Variants in DOCK2 observed in about 807,000 individuals in gnomAD.
DOCK2 encodes the protein dedicator of cytokinesis protein 2.
A neutral mutation model predicts 248.9 loss-of-function variants in DOCK2; 87 were observed. The observed-to-expected ratio is 0.35, with a 90% CI of 0.29 to 0.42. The LOEUF is 0.42. Among genes scored for constraint, DOCK2 ranks in the 10% least tolerant of loss-of-function variants. The pLI is 1.00. For missense variants in DOCK2, 1,747 were observed against 2,300.2 expected (o/e 0.76, Z 4.92); for synonymous variants, 805 against 821.6 (o/e 0.98, Z 0.35).
At chr5:169,901,558 A>G (rs2113580975) in intron 27 of DOCK2, among the ~76,000 whole-genome samples, 1 of 152,302 alleles carries the variant, frequency 6.6e-6, no homozygotes, top group South Asian at 2.1e-4. Context: ...AGGATGAACC[A>G]GTGGGGAGGC....
chr5:169,845,628 TTTCTAAATGTGGG>T (rs1231146327), intron 27 of DOCK2, among the ~76,000 whole-genome samples: 2 of 152,238 alleles, frequency 1.3e-5, no homozygotes, highest in African/African-American at 4.8e-5. Flanking sequence ...ACAAATGTGT[TTTCTAAATGTGGG>T]AATCCACATT....
At position 169,816,048 on chromosome 5, in the gene DOCK2, G is replaced by A. The variant is rs550977438; in HGVS notation, c.2703+12842G>A. On this transcript the variant is annotated intron_variant, in intron 26 of 51. Transcript: ENST00000520908. ...AGTGTTTGAATTAAATCTCCCCTTC[G>A]AAGTTGGGAGACATGAGTTAAAAGC... Among the ~76,000 whole-genome samples, 9 of 152,300 alleles carry A rather than the reference G, an allele frequency of 5.9e-5. No individual in the cohort carries two copies. In the East Asian group the frequency reaches 9.6e-4, roughly 16 times the overall value.
chr5:169,988,908 C>T (rs917273277), intron 29 of DOCK2, among the ~76,000 whole-genome samples: 2 of 152,186 alleles, frequency 1.3e-5, no homozygotes, highest in Non-Finnish European at 2.9e-5. Flanking sequence ...GACCAGTGTT[C>T]CCCAGAATAC....
At position 169,837,273 on chromosome 5, in the gene DOCK2, G is replaced by A. The variant is rs75364160; in HGVS notation, c.2704-3484G>A. Among the ~76,000 whole-genome samples, 780 of 152,308 alleles carry A rather than the reference G, an allele frequency of 5.1e-3. 5 individuals carry two copies. Among genetic ancestry groups the A allele is most frequent in the Middle Eastern group, 0.017 (5 of 294 alleles). ...TTTGTCATTTCAATTACAAGCTACC[G>A]TTTAGTTTGAGCCCAGAAGTCACTT... On this transcript the variant is annotated intron_variant, in intron 26 of 51. Coordinates refer to ENST00000520908, the MANE Select transcript of DOCK2 (RefSeq NM_004946.3).
chr5:170,074,034 A>G (rs1449396247), intron 46 of DOCK2, among the ~76,000 whole-genome samples: 1 of 151,904 alleles, frequency 6.6e-6, no homozygotes, highest in Non-Finnish European at 1.5e-5. Context: ...TGCTTAGCTA[A>G]TTTATTTTCT....
At position 170,008,765 on chromosome 5, in the gene DOCK2, C is replaced by G. The variant is rs1755164345; in HGVS notation, c.3232+19C>G. ...AAGCTTGGTGAGTAGGCACACACAT[C>G]CAGATACTCACATCTGCAGGCACCA... On this transcript the variant is annotated intron_variant, in intron 32 of 51. Transcript: ENST00000520908. 1 of 1,613,776 alleles carries G rather than the reference C, an allele frequency of 6.2e-7. No individual in the cohort carries two copies. Among genetic ancestry groups the G allele is most frequent in the Non-Finnish European group, 8.5e-7 (1 of 1,179,792 alleles).
intron 32 of DOCK2, among the ~76,000 whole-genome samples, chr5:170,008,985 C>A (rs1049476409): frequency 6.6e-6 from 1 of 151,904 alleles, no homozygotes. Context: ...CTTGATGCCC[C>A]CAATGGGTTA....
At chr5:169,803,326 C>G (rs968731796) in intron 26 of DOCK2, 120 bp downstream of exon 26, 3 of 1,318,790 alleles carry the variant, frequency 2.3e-6, no homozygotes, top group Non-Finnish European at 3.1e-6. Flanking sequence ...CAACGGCTTG[C>G]TCAGCAGGCC....
chr5:169,936,709 C>G (rs895054089), intron 27 of DOCK2, among the ~76,000 whole-genome samples: 18 of 151,720 alleles, frequency 1.2e-4, no homozygotes, highest in African/African-American at 4.4e-4. Context: ...GGGGCGCGCT[C>G]CAGCCTATAT....
rs906430357 is a variant in DOCK2, at chr5:169,677,809, G to A, written c.470+3364G>A. On this transcript the variant is annotated intron_variant, in intron 6 of 51. Coordinates refer to ENST00000520908, the MANE Select transcript of DOCK2 (RefSeq NM_004946.3). Reference sequence around the variant, plus strand: ...GACTTTATTTCCGAAGCCAGCCATGGGGAAACATACAGGCTCACCCCTCTG... The same window carrying A: ...GACTTTATTTCCGAAGCCAGCCATGAGGAAACATACAGGCTCACCCCTCTG... 1.1e-4 allele frequency among the ~76,000 whole-genome samples: 17 copies of A among 152,346 alleles called. No homozygotes were observed. The East Asian group carries it at 3.1e-3, about 28-fold the overall frequency.
chr5:169,803,185 A>G lies in DOCK2; in HGVS notation c.2682A>G (p.Glu894=). The change falls in exon 26 of 52, where the codon GAA becomes GAG. Residue 894 remains glutamate (E), a synonymous_variant. Coordinates refer to ENST00000520908, the MANE Select transcript of DOCK2 (RefSeq NM_004946.3). Reference sequence around the variant, plus strand: ...TTGAATTGCTCAACAGCATCTTGGAAGTCCTTAGCTACCAGGATGCGGTGA... The same window carrying G: ...TTGAATTGCTCAACAGCATCTTGGAGGTCCTTAGCTACCAGGATGCGGTGA... The part of the protein sequence containing the change: ...YCVELLNSIL[E]VLSYQDAAFT... The G allele has an allele frequency of 6.2e-7, 1 of 1,613,778 alleles. No homozygotes were observed. Among genetic ancestry groups the G allele is most frequent in the South Asian group, 1.1e-5 (1 of 91,026 alleles).
intron 22 of DOCK2, among the ~76,000 whole-genome samples, chr5:169,732,529 A>G (rs1029041475): frequency 6.6e-6 from 1 of 152,188 alleles, no homozygotes; most frequent in African/African-American, 2.4e-5. Flanking sequence ...AAGTTAGCAC[A>G]TCGGGAATCA....
chr5:169,888,763 A>G (rs544564698), intron 27 of DOCK2, among the ~76,000 whole-genome samples: 3 of 152,210 alleles, frequency 2.0e-5, no homozygotes, highest in African/African-American at 4.8e-5. Context: ...GAAATAATCT[A>G]TATGAAATGG....
At position 169,820,090 on chromosome 5, in the gene DOCK2, C is replaced by A. The variant is rs182989122; in HGVS notation, c.2703+16884C>A. 2.9e-3 allele frequency among the ~76,000 whole-genome samples: 436 copies of A among 152,330 alleles called. 3 individuals carry two copies. The highest frequency in any genetic ancestry group is 4.2e-3 in the Non-Finnish European group (287 of 68,032). On this transcript the variant is annotated intron_variant, in intron 26 of 51. Coordinates refer to ENST00000520908, the MANE Select transcript of DOCK2 (RefSeq NM_004946.3). ...ACTGGTGGAGGGGCGCCCGCCATAG[C>A]TGAGGCTTGAGTAGGTAAACAAAGC...
intron 27 of DOCK2, among the ~76,000 whole-genome samples, chr5:169,907,288 C>T (rs755354679): frequency 2.6e-5 from 4 of 152,174 alleles, no homozygotes; most frequent in Non-Finnish European, 4.4e-5. Flanking sequence ...CAGATGAACA[C>T]GCCCAATTTT....
chr5:169,916,396 A>G (rs142699481), intron 27 of DOCK2, among the ~76,000 whole-genome samples: 2 of 152,292 alleles, frequency 1.3e-5, no homozygotes, highest in African/African-American at 2.4e-5. Flanking sequence ...TGGCCCTCCT[A>G]TCACCCCTGT....
chr5:169,918,994 C>T (rs1775028510), intron 27 of DOCK2, among the ~76,000 whole-genome samples: 1 of 152,202 alleles, frequency 6.6e-6, no homozygotes, highest in Middle Eastern at 3.4e-3. Flanking sequence ...CATTTATAAA[C>T]CAGTAACAAG....
chr5:169,881,466 A>G (rs1200137648), intron 27 of DOCK2: 24 of 1,548,026 alleles, frequency 1.6e-5, no homozygotes, highest in Non-Finnish European at 2.0e-5. Context: ...CATTTGCTGG[A>G]TAAATCTATG....
In DOCK2 at chr5:169,763,942, C is replaced by G. The variant is rs2113747361; in HGVS notation, c.2554+2317C>G. Among the ~76,000 whole-genome samples the G allele has an allele frequency of 1.3e-5, 2 of 152,272 alleles. No individual in the cohort carries two copies. Among genetic ancestry groups the G allele is most frequent in the Middle Eastern group, 3.4e-3 (1 of 294 alleles). On this transcript the variant is annotated intron_variant, in intron 25 of 51. Transcript: ENST00000520908. The surrounding 1 kb of genome is among the most constrained non-coding windows in gnomAD (Gnocchi z 4.1). ...CTATTTGCTAAGTGAGCCCTGTTAC[C>G]AAAATAGTCCCAAAGGGAAACTTCA... is the stretch of plus-strand genomic sequence containing the variant.
Sources: gnomAD v4.1 joint callset for allele counts (sites outside exome capture counted in the v4.1 genomes callset) on GRCh38, gnomAD v4.1.1 for gene constraint, Gnocchi (gnomAD v3.1) non-coding constraint, MANE v1.5 for transcripts, NCBI Gene and HGNC (gene_info 2026-07-23, HGNC 2026-07-21) for gene names.